Variants in ANKRD36C observed in about 807,000 individuals in gnomAD.
ANKRD36C encodes the protein ankyrin repeat domain 36C.
Under a neutral mutation model 276.4 loss-of-function variants are expected in ANKRD36C, and 61 were observed. The observed-to-expected ratio is 0.22, with a 90% CI of 0.18 to 0.27. ANKRD36C has a LOEUF of 0.27. Among genes scored for constraint, ANKRD36C ranks in the 10% least tolerant of loss-of-function variants. The pLI, the probability that ANKRD36C is intolerant of heterozygous loss-of-function variation, is 1.00. For missense variants in ANKRD36C, 1,447 were observed against 2,032.3 expected, an observed-to-expected ratio of 0.71 and a Z score of 5.54; for synonymous variants, 483 against 680.1, an observed-to-expected ratio of 0.71 and a Z score of 4.51.
At chr2:95,922,520 A>G (rs905987484) in intron 32 of ANKRD36C, among the ~76,000 whole-genome samples, 2 of 151,612 alleles carry the variant, frequency 1.3e-5, no homozygotes, top group Non-Finnish European at 3.0e-5. Context: ...TCAATTATCA[A>G]TTTTGACATA....
chr2:95,892,094 T>A (rs1240674966), intron 44 of ANKRD36C, among the ~76,000 whole-genome samples: 4 of 151,520 alleles, frequency 2.6e-5, no homozygotes, highest in Middle Eastern at 3.2e-3. Context: ...TTGTCATATG[T>A]CGAAAACTAA....
At chr2:95,989,507 C>T (rs1030404063) in intron 1 of ANKRD36C, among the ~76,000 whole-genome samples, 24 of 151,716 alleles carry the variant, frequency 1.6e-4, no homozygotes, top group Non-Finnish European at 2.9e-4. Context: ...CTGCAAAGGT[C>T]CCATATTGTC....
chr2:95,931,355 T>C (rs1467561070), intron 24 of ANKRD36C, among the ~76,000 whole-genome samples: 1 of 150,066 alleles, frequency 6.7e-6, no homozygotes, highest in Non-Finnish European at 1.5e-5. Flanking sequence ...TGCTTTCACC[T>C]CATATTATGA....
At chr2:95,875,741 A>G in intron 59 of ANKRD36C, among the ~76,000 whole-genome samples, 1 of 152,204 alleles carries the variant, frequency 6.6e-6, no homozygotes, top group Non-Finnish European at 1.5e-5. Flanking sequence ...AAACATTGTA[A>G]TATGATTGAC....
intron 56 of ANKRD36C, among the ~76,000 whole-genome samples, chr2:95,881,353 C>T (rs1296278121): frequency 6.6e-6 from 1 of 152,220 alleles, no homozygotes; most frequent in Non-Finnish European, 1.5e-5. Flanking sequence ...AATGGAATTG[C>T]TCCAGGCATT....
At chr2:95,953,807 G>T (rs1037773527) in intron 14 of ANKRD36C, 132 bp downstream of exon 14, 34 of 703,332 alleles carry the variant, frequency 4.8e-5, no homozygotes, top group Non-Finnish European at 6.7e-5. Flanking sequence ...TCTTTAAAAT[G>T]GTTTTCTCTA....
chr2:95,894,412 A>G (rs1411802469), intron 44 of ANKRD36C: 1 of 151,930 alleles, frequency 6.6e-6, no homozygotes, highest in Non-Finnish European at 1.5e-5. Context: ...TAGCCTCAAT[A>G]AAAATATCAT....
intron 42 of ANKRD36C, 126 bp downstream of exon 46, chr2:95,910,247 T>A: frequency 8.7e-7 from 1 of 1,147,992 alleles, no homozygotes; most frequent in Non-Finnish European, 1.2e-6. Context: ...TTACTACAAA[T>A]GAAGAATCTC....
At chr2:95,890,105 G>A in intron 46 of ANKRD36C, 111 bp from the exon 67 acceptor site, 1 of 1,359,970 alleles carries the variant, frequency 7.4e-7, no homozygotes, top group Non-Finnish European at 1.0e-6. Context: ...ATTAGTGTAG[G>A]CTTTGATGGC....
chr2:95,966,383 C>T (rs564927296), intron 6 of ANKRD36C, among the ~76,000 whole-genome samples: 32 of 152,156 alleles, frequency 2.1e-4, no homozygotes, highest in African/African-American at 7.2e-4. Context: ...GTTTCCTGCA[C>T]AAGGCTAGCC....
intron 46 of ANKRD36C, 22 bp downstream of exon 66, chr2:95,891,643 T>C (rs1159603741): frequency 6.5e-7 from 1 of 1,546,166 alleles, no homozygotes; most frequent in Non-Finnish European, 8.7e-7. Flanking sequence ...GAACATGACA[T>C]TAAATCTCTT....
At chr2:95,930,056 T>C (rs1677523200) in intron 24 of ANKRD36C, among the ~76,000 whole-genome samples, 1 of 151,626 alleles carries the variant, frequency 6.6e-6, no homozygotes, top group Admixed American at 6.6e-5. Context: ...CACTCCAATA[T>C]TCCTTGAAAA....
At chr2:95,959,943 G>C (rs1336102727) in intron 10 of ANKRD36C, among the ~76,000 whole-genome samples, 1 of 152,176 alleles carries the variant, frequency 6.6e-6, no homozygotes, top group African/African-American at 2.4e-5. Context: ...AGTTCCCTCA[G>C]GTTTCCTCAG....
chr2:95,976,105 C>T (rs538880530), intron 6 of ANKRD36C, among the ~76,000 whole-genome samples: 7 of 152,192 alleles, frequency 4.6e-5, no homozygotes, highest in East Asian at 1.9e-4. Context: ...GTTAGAATGG[C>T]GATCATTAAA....
At chr2:95,885,470 T>C (rs1676177943) in intron 52 of ANKRD36C, among the ~76,000 whole-genome samples, 1 of 151,426 alleles carries the variant, frequency 6.6e-6, no homozygotes, top group Non-Finnish European at 1.5e-5. Flanking sequence ...CAAAATTTAA[T>C]ATTCTTTTAT....
chr2:95,902,619 T>C (rs941468190), intron 42 of ANKRD36C, among the ~76,000 whole-genome samples: 7 of 150,146 alleles, frequency 4.7e-5, no homozygotes, highest in African/African-American at 1.7e-4. Flanking sequence ...CAAAATTATG[T>C]TGTTCCCCAG....
intron 40 of ANKRD36C, among the ~76,000 whole-genome samples, chr2:95,913,737 G>A (rs1239627386): frequency 2.6e-5 from 4 of 151,380 alleles, no homozygotes; most frequent in Non-Finnish European, 4.4e-5. Flanking sequence ...CAAGCTTTCT[G>A]TCTTTTCTTG....
At chr2:95,944,727 A>G (rs1226072561) in intron 18 of ANKRD36C, 33 bp from the exon 19 acceptor site, 2 of 1,532,846 alleles carry the variant, frequency 1.3e-6, no homozygotes, top group Non-Finnish European at 1.7e-6. Context: ...AGTAGATGAA[A>G]TGCATGTAAT....
intron 60 of ANKRD36C, among the ~76,000 whole-genome samples, chr2:95,863,467 G>T (rs1456261455): frequency 6.6e-6 from 1 of 152,058 alleles, no homozygotes; most frequent in African/African-American, 2.4e-5. Flanking sequence ...GAAAGAAGGA[G>T]TATATCTCAA....
Sources: allele counts gnomAD v4.1 joint callset (sites outside exome capture counted in the v4.1 genomes callset), GRCh38; gene constraint gnomAD v4.1.1; transcripts MANE v1.5; gene names NCBI Gene and HGNC (gene_info 2026-07-23, HGNC 2026-07-21).